The following ZNF282 variants were observed in gnomAD, a reference collection of about 807,000 sequenced individuals.
ZNF282 encodes the protein HTLV-I U5 repressive element-binding protein 1.
In ZNF282, 30 loss-of-function variants were observed where a neutral mutation model predicts 61.9. That is an observed-to-expected ratio of 0.48 (90% confidence interval 0.36 to 0.66). The LOEUF (loss-of-function observed/expected upper bound fraction) is 0.66. ZNF282 is among the 30% of genes least tolerant of loss of function. The pLI is 0.00. For synonymous variants in ZNF282, 396 were observed against 405.0 expected (o/e 0.98, Z 0.27); for missense variants, 788 against 941.4 (o/e 0.84, Z 2.13).
rs76371055 is a variant in ZNF282 at position 149,199,396 on chromosome 7, C to A, written c.585+644C>A. Among the ~76,000 whole-genome samples the A allele has an allele frequency of 9.2e-4, 140 of 152,210 alleles. 1 individual carries two copies. Among genetic ancestry groups the A allele is most frequent in the African/African-American group, 3.2e-3 (134 of 41,534 alleles). On this transcript the variant is annotated intron_variant, in intron 2 of 7. Transcript: ENST00000610704. ...TCCCTTGTTCCTGTGGCTTGATGTC[C>A]CCTGCCCACCCCAGGAGGTCACCCC... is the stretch of plus-strand genomic sequence containing the variant.
chr7:149,219,906 A>G (rs1347077771), intron 7 of ZNF282, among the ~76,000 whole-genome samples: 1 of 152,152 alleles, frequency 6.6e-6, no homozygotes, highest in Non-Finnish European at 1.5e-5. Context: ...GAATCATCTA[A>G]AAAGAATGGG....
chr7:149,223,925 C>T lies in ZNF282; in HGVS notation c.1294C>T (p.Pro432Ser), dbSNP rs1796307716. The change falls in exon 8 of 8, where the codon CCC becomes TCC. Residue 432 changes from proline to serine, a missense_variant. This residue lies in a region of ZNF282 where 559 missense variants were observed against 642.0 expected (regional missense o/e 0.87). Coordinates refer to ENST00000610704, the MANE Select transcript of ZNF282 (RefSeq NM_003575.4). ...GCAGCCCCAGCCCCAGAGCCTGCCC[C>T]CCATCGCGGTGGCCGAGAACCCGGG... ...QSQPQPQSLP[P>S]IAVAENPGGP... 3 of 1,334,626 alleles carry T rather than the reference C, an allele frequency of 2.2e-6. No homozygotes were observed. In the African/African-American group the frequency reaches 4.6e-5, roughly 21 times the overall value. The allele number at this position is 1,334,626 out of a possible 1,614,324, so 82.7% of individuals were successfully genotyped here. A position where few individuals can be genotyped will look rare whatever the true frequency, so the allele number is the denominator to read the frequency against.
chr7:149,204,907 A>G (rs1224090192), intron 2 of ZNF282, among the ~76,000 whole-genome samples: 1 of 152,194 alleles, frequency 6.6e-6, no homozygotes, highest in Non-Finnish European at 1.5e-5. Context: ...TCACGGGGTC[A>G]GGAGATCGAG....
chr7:149,209,020 C>CAAAAAA lies in ZNF282; in HGVS notation c.833-1557_833-1552dup, dbSNP rs58064988. ...TGGGCTACAGAGGGAGACTTCATCTCAAAAAAAAAAAAAGAGGGCCGGGCG... is the reference window on the plus strand; with the variant it reads ...TGGGCTACAGAGGGAGACTTCATCTCAAAAAAAAAAAAAAAAAAAGAGGGCCGGGCG... On this transcript the variant is annotated intron_variant, in intron 4 of 7. Transcript: ENST00000610704. 2.9e-4 allele frequency among the ~76,000 whole-genome samples: 18 copies of CAAAAAA among 61,724 alleles called. 1 individual carries two copies. Among genetic ancestry groups the CAAAAAA allele is most frequent in the African/African-American group, 5.1e-4 (9 of 17,552 alleles). The allele number at this position is 61,724 out of a possible 152,430, so 40.5% of individuals were successfully genotyped here. A position where few individuals can be genotyped will look rare whatever the true frequency, so the allele number is the denominator to read the frequency against.
At chr7:149,213,074 G>C (rs1796111463) in intron 6 of ZNF282, among the ~76,000 whole-genome samples, 1 of 152,174 alleles carries the variant, frequency 6.6e-6, no homozygotes, top group Non-Finnish European at 1.5e-5. Flanking sequence ...AGCCCCACCT[G>C]CCCACGACCT....
At chr7:149,221,826 G>A (rs1406623559) in intron 7 of ZNF282, among the ~76,000 whole-genome samples, 3 of 152,104 alleles carry the variant, frequency 2.0e-5, no homozygotes, top group Admixed American at 2.0e-4. Flanking sequence ...ACGAATATAG[G>A]AGGGCTGGGT....
chr7:149,218,961 C>T (rs1796198269), intron 7 of ZNF282, among the ~76,000 whole-genome samples: 1 of 152,172 alleles, frequency 6.6e-6, no homozygotes, highest in South Asian at 2.1e-4. Flanking sequence ...ACCCTCCCAG[C>T]ATGTCAACGT....
intron 7 of ZNF282, among the ~76,000 whole-genome samples, chr7:149,221,155 G>C (rs1796243122): frequency 6.6e-6 from 1 of 152,134 alleles, no homozygotes; most frequent in Non-Finnish European, 1.5e-5. Context: ...CTGGGCTCAA[G>C]CAATCCTTCT....
intron 7 of ZNF282, among the ~76,000 whole-genome samples, chr7:149,217,286 C>T (rs879729302): frequency 6.6e-6 from 1 of 152,156 alleles, no homozygotes; most frequent in African/African-American, 2.4e-5. Flanking sequence ...CCTGTAATCC[C>T]GGCACTTTGG....
At position 149,198,623 on chromosome 7, in the gene ZNF282, C is replaced by T. The variant is rs765066956; in HGVS notation, c.456C>T (p.Ala152=). The change falls in exon 2 of 8, where the codon GCC becomes GCT. Residue 152 remains alanine, a synonymous_variant. Transcript: ENST00000610704. The surrounding 1 kb of genome is among the most constrained non-coding windows in gnomAD (Gnocchi z 4.3). ...GGAACCACATGGAGAGCAAGTGGGCCGTGCTGGGGACCCTGCTGCAGGAGT... is the reference window on the plus strand; with the variant it reads ...GGAACCACATGGAGAGCAAGTGGGCTGTGCTGGGGACCCTGCTGCAGGAGT... The part of the protein sequence containing the change: ...EFGNHMESKW[A]VLGTLLQEYG... 5 of 1,613,996 alleles carry T rather than the reference C, an allele frequency of 3.1e-6. No homozygotes were observed. The highest frequency in any genetic ancestry group is 2.2e-5 in the South Asian group (2 of 91,084).
intron 2 of ZNF282, among the ~76,000 whole-genome samples, chr7:149,203,305 T>A (rs1795944398): frequency 6.6e-6 from 1 of 152,142 alleles, no homozygotes; most frequent in Non-Finnish European, 1.5e-5. Context: ...GGTTTTGGGG[T>A]CTGGAATCAG....
chr7:149,213,489 C>G (rs1348932697), intron 6 of ZNF282, among the ~76,000 whole-genome samples: 1 of 152,124 alleles, frequency 6.6e-6, no homozygotes, highest in African/African-American at 2.4e-5. Flanking sequence ...TTGGGCTAAG[C>G]CTCCTTCTGG....
rs866030059 is a variant in ZNF282, at chr7:149,224,464, C to T, written c.1833C>T (p.Phe611=). 11 of 1,613,634 alleles carry T rather than the reference C, an allele frequency of 6.8e-6. No homozygotes were observed. The highest frequency in any genetic ancestry group is 8.5e-6 in the Non-Finnish European group (10 of 1,179,956). ...PFQCALCGKS[F]IRKQNLLKHQ... is the part of the protein sequence containing the mutation. The stretch of plus-strand genomic sequence containing the variant: ...AATGTGCACTGTGCGGCAAGAGCTT[C>T]ATCCGCAAGCAGAACCTGCTCAAGC... The change falls in exon 8 of 8, where the codon TTC becomes TTT. Residue 611 remains phenylalanine, a synonymous_variant. Coordinates refer to ENST00000610704, the MANE Select transcript of ZNF282 (RefSeq NM_003575.4).
chr7:149,222,139 G>A (rs1355481386), intron 7 of ZNF282, among the ~76,000 whole-genome samples: 1 of 152,194 alleles, frequency 6.6e-6, no homozygotes, highest in Non-Finnish European at 1.5e-5. Flanking sequence ...CAGAGCCTGG[G>A]CTTTGTCTCC....
intron 1 of ZNF282, among the ~76,000 whole-genome samples, chr7:149,197,019 G>A (rs1795827815): frequency 1.3e-5 from 2 of 152,222 alleles, no homozygotes; most frequent in Non-Finnish European, 2.9e-5. Context: ...CCTGTCCCAG[G>A]TGTGAAGGAG....
At chr7:149,214,418 G>C (rs570175529) in intron 7 of ZNF282, among the ~76,000 whole-genome samples, 9 of 152,112 alleles carry the variant, frequency 5.9e-5, no homozygotes, top group Admixed American at 2.6e-4. Context: ...TGGTGGGGAG[G>C]GGGGAAGGCA....
chr7:149,205,180 C>T (rs143400493), intron 2 of ZNF282, among the ~76,000 whole-genome samples: 1,533 of 152,208 alleles, frequency 0.01, 11 homozygotes, highest in Non-Finnish European at 0.015. Flanking sequence ...TGGCTCACCC[C>T]TGTAATCCCA....
intron 3 of ZNF282, 120 bp downstream of exon 3, chr7:149,206,942 A>G: frequency 7.3e-7 from 1 of 1,378,878 alleles, no homozygotes; most frequent in Non-Finnish European, 9.8e-7. Flanking sequence ...ATGGAAACTC[A>G]GGAAACCATT....
At chr7:149,216,107 TG>T (rs1796157895) in intron 7 of ZNF282, among the ~76,000 whole-genome samples, 1 of 152,188 alleles carries the variant, frequency 6.6e-6, no homozygotes, top group Non-Finnish European at 1.5e-5. Context: ...ATCTTTTTTT[TG>T]TTTGTTTAAA....
Sources: allele counts gnomAD v4.1 joint callset (sites outside exome capture counted in the v4.1 genomes callset), GRCh38; gene constraint gnomAD v4.1.1; regional missense constraint gnomAD v4.1.1; non-coding constraint Gnocchi (gnomAD v3.1); transcripts MANE v1.5; gene names NCBI Gene and HGNC (gene_info 2026-07-23, HGNC 2026-07-21).